Variants in FAM149B1 observed in about 807,000 individuals in gnomAD.
FAM149B1 encodes family with sequence similarity 149 member B1.
In FAM149B1, 56 loss-of-function variants were observed where a neutral mutation model predicts 75.3. That is an observed-to-expected ratio of 0.74 (90% CI 0.60 to 0.93). The LOEUF is 0.93. Among genes scored for constraint, FAM149B1 ranks in the 40% least tolerant of loss-of-function variants. The probability of loss-of-function intolerance (pLI) is 0.00; values close to 1 mark genes in which losing one functional copy is unlikely to be tolerated. For missense variants in FAM149B1, 639 were observed against 708.4 expected, an observed-to-expected ratio of 0.90 and a Z score of 1.11; for synonymous variants, 259 against 256.1, an observed-to-expected ratio of 1.01 and a Z score of -0.11.
chr10:73,192,617 T>C lies in FAM149B1; in HGVS notation c.344T>C (p.Leu115Ser). The change falls in exon 4 of 14, where the codon TTG (leucine) becomes TCG (serine). Residue 115 changes from leucine to serine, a missense_variant. Leu to Ser is a moderately radical substitution (Grantham distance 145). Coordinates refer to ENST00000242505, the MANE Select transcript of FAM149B1 (RefSeq NM_173348.2). ...ATGTTCACAGCCATTGATGAACTCT[T>C]GTATGAGCAGAAGTTGAGTGTGCAT... ...QTMFTAIDEL[L>S]YEQKLSVHTK... The C allele has an allele frequency of 1.9e-6, 3 of 1,551,964 alleles. No individual in the cohort carries two copies. The highest frequency in any genetic ancestry group is 2.6e-6 in the Non-Finnish European group (3 of 1,147,062).
intron 3 of FAM149B1, among the ~76,000 whole-genome samples, chr10:73,189,084 TGAAAA>T (rs1231273673): frequency 1.3e-5 from 2 of 152,046 alleles, no homozygotes; most frequent in East Asian, 3.9e-4. Context: ...GCAAAAGACT[TGAAAA>T]GACATTCCAT....
At chr10:73,171,528 TAAAC>T (rs1161307283) in intron 1 of FAM149B1, among the ~76,000 whole-genome samples, 1 of 152,092 alleles carries the variant, frequency 6.6e-6, no homozygotes, top group Non-Finnish European at 1.5e-5. Flanking sequence ...ATTTCAAACA[TAAAC>T]ATATAGAGAA....
intron 3 of FAM149B1, among the ~76,000 whole-genome samples, chr10:73,180,771 CTT>C (rs1180863946): frequency 2.6e-5 from 4 of 152,272 alleles, no homozygotes; most frequent in East Asian, 1.9e-4. Context: ...CAATTACACT[CTT>C]TTAGTTATTT....
At chr10:73,225,348 G>A (rs547508931) in intron 7 of FAM149B1, among the ~76,000 whole-genome samples, 2 of 152,300 alleles carry the variant, frequency 1.3e-5, no homozygotes, top group East Asian at 3.9e-4. Flanking sequence ...GACAGGAAGT[G>A]TAGGTGGAAA....
At chr10:73,223,231 C>G (rs543524549) in intron 7 of FAM149B1, among the ~76,000 whole-genome samples, 5 of 80 alleles carry the variant, frequency 0.062, no homozygotes, top group Admixed American at 0.19. Flanking sequence ...TCCGTACCCC[C>G]ACAAGATAAC....
intron 3 of FAM149B1, among the ~76,000 whole-genome samples, chr10:73,179,170 G>A (rs1437755555): frequency 6.6e-6 from 1 of 151,948 alleles, no homozygotes; most frequent in Admixed American, 6.6e-5. Flanking sequence ...TCACCATGTT[G>A]GCCAGGATGG....
At chr10:73,185,981 T>G (rs12268713) in intron 3 of FAM149B1, among the ~76,000 whole-genome samples, 1 of 152,008 alleles carries the variant, frequency 6.6e-6, no homozygotes, top group East Asian at 1.9e-4. Flanking sequence ...ATACCAAAGT[T>G]AGTCATCACA....
chr10:73,186,167 T>A (rs1264370788), intron 3 of FAM149B1, among the ~76,000 whole-genome samples: 1 of 151,952 alleles, frequency 6.6e-6, no homozygotes, highest in Non-Finnish European at 1.5e-5. Flanking sequence ...GGTAGACGGA[T>A]GGTGAAAAAA....
chr10:73,243,783 G>A lies in FAM149B1; in HGVS notation c.*2764G>A. 6.9e-7 allele frequency: 1 copy of A among 1,446,996 alleles called. No individual in the cohort carries two copies. Among genetic ancestry groups the A allele is most frequent in the Non-Finnish European group, 9.6e-7 (1 of 1,042,246 alleles). The allele number at this position is 1,446,996 out of a possible 1,614,324, so 89.6% of individuals were successfully genotyped here. ...AGAAAACAAAATACAACATTCCAAA[G>A]AAAATATTAGCAGTAGGAATCAGAT... On this transcript the variant is annotated 3_prime_UTR_variant, in exon 14 of 14. Transcript: ENST00000242505.
chr10:73,175,102 C>T (rs1273377383), intron 2 of FAM149B1, among the ~76,000 whole-genome samples: 1 of 152,064 alleles, frequency 6.6e-6, no homozygotes, highest in Non-Finnish European at 1.5e-5. Context: ...TTGGTACTTA[C>T]AATCCCAGCA....
At position 73,179,579 on chromosome 10, in the gene FAM149B1, AT is replaced by A. The variant is rs1438612892; in HGVS notation, c.282+1618del. Among the ~76,000 whole-genome samples the A allele has an allele frequency of 2.4e-3, 334 of 136,532 alleles. 3 individuals carry two copies. The highest frequency in any genetic ancestry group is 0.011 in the Middle Eastern group (3 of 270). 89.6% of individuals were successfully genotyped at this position (136,532 alleles called of 152,430 possible). A position where few individuals can be genotyped will look rare whatever the true frequency, so the allele number is the denominator to read the frequency against. ...CAGGTGCATGCCACCACACCCTGCT[AT>A]TTTTTTTTTTTTTAAGAGGTAGGAT... On this transcript the variant is annotated intron_variant, in intron 3 of 13. Coordinates refer to ENST00000242505, the MANE Select transcript of FAM149B1 (RefSeq NM_173348.2).
intron 7 of FAM149B1, among the ~76,000 whole-genome samples, chr10:73,213,052 G>A (rs2043221460): frequency 6.6e-6 from 1 of 151,976 alleles, no homozygotes; most frequent in South Asian, 2.1e-4. Context: ...TAACCATGTT[G>A]CCTGGGCTGG....
intron 12 of FAM149B1, among the ~76,000 whole-genome samples, chr10:73,236,413 C>CTTTTTT (rs571460371): frequency 2.3e-5 from 3 of 133,302 alleles, no homozygotes; most frequent in Non-Finnish European, 4.8e-5. Context: ...CAATTTCTGC[C>CTTTTTT]TTTTTTTTTT....
chr10:73,226,922 A>C (rs2043566890), intron 7 of FAM149B1, among the ~76,000 whole-genome samples: 1 of 152,186 alleles, frequency 6.6e-6, no homozygotes, highest in African/African-American at 2.4e-5. Flanking sequence ...AACTGCATGC[A>C]GGTTTGCAGT....
Position 73,208,756 on chromosome 10 carries a change from A to G in FAM149B1, c.680A>G (p.Glu227Gly). The G allele has an allele frequency of 6.5e-7, 1 of 1,529,072 alleles. No homozygotes were observed. The allele number at this position is 1,529,072 out of a possible 1,614,324, so 94.7% of individuals were successfully genotyped here. A position where few individuals can be genotyped will look rare whatever the true frequency, so the allele number is the denominator to read the frequency against. ...ATAATCGTCTCAGAAGGAATAATTG[A>G]GGAATACCTAGCATTCGATCACATA... ...DSIIVSEGII[E>G]EYLAFDHIDI... The change falls in exon 6 of 14, where the codon GAG (glutamate) becomes GGG (glycine). Residue 227 changes from glutamate to glycine, a missense_variant. By Grantham distance (98) the Glu-to-Gly change is moderately conservative (BLOSUM62 -2). Transcript: ENST00000242505.
At chr10:73,189,178 A>C (rs1299755570) in intron 3 of FAM149B1, among the ~76,000 whole-genome samples, 1 of 152,222 alleles carries the variant, frequency 6.6e-6, no homozygotes, top group East Asian at 1.9e-4. Flanking sequence ...ATGCAAATTG[A>C]AAACTGGGAA....
intron 12 of FAM149B1, among the ~76,000 whole-genome samples, chr10:73,236,431 T>C (rs1050063006): frequency 2.7e-5 from 4 of 147,908 alleles, no homozygotes; most frequent in Admixed American, 2.7e-4. Context: ...TTTTTTTTTT[T>C]GAGACGGAGT....
intron 3 of FAM149B1, among the ~76,000 whole-genome samples, chr10:73,185,755 G>T (rs1317768728): frequency 1.3e-5 from 2 of 151,952 alleles, no homozygotes; most frequent in Non-Finnish European, 2.9e-5. Flanking sequence ...TCATATAAGA[G>T]ATTCTAAGGA....
At chr10:73,231,520 A>G (rs2043697664) in intron 9 of FAM149B1, among the ~76,000 whole-genome samples, 1 of 152,236 alleles carries the variant, frequency 6.6e-6, no homozygotes, top group Non-Finnish European at 1.5e-5. Flanking sequence ...ACCATAGTGT[A>G]AATGGATGGA....
Sources: allele counts gnomAD v4.1 joint callset (sites outside exome capture counted in the v4.1 genomes callset), GRCh38; gene constraint gnomAD v4.1.1; transcripts MANE v1.5; gene names NCBI Gene and HGNC (gene_info 2026-07-23, HGNC 2026-07-21).